DNM1: variants seen among roughly 807,000 people sequenced by gnomAD.
DNM1 encodes dynamin 1.
A neutral mutation model predicts 104.6 loss-of-function variants in DNM1; 29 were observed. The observed-to-expected ratio is 0.28, with a 90% CI of 0.21 to 0.38. The LOEUF is 0.38. DNM1 is among the 10% of genes least tolerant of loss of function. DNM1 has a pLI of 1.00. For missense variants in DNM1, 640 were observed against 1,189.4 expected (o/e 0.54, Z 6.79); for synonymous variants, 445 against 475.8 (o/e 0.94, Z 0.84).
chr9:128,220,492 C>G lies in DNM1; in HGVS notation c.849+151C>G. The G allele has an allele frequency of 1.0e-6, 1 of 998,040 alleles. No homozygotes were observed. The highest frequency in any genetic ancestry group is 2.4e-5 in the Admixed American group (1 of 41,190). 61.8% of individuals were successfully genotyped at this position (998,040 alleles called of 1,614,324 possible). A position where few individuals can be genotyped will look rare whatever the true frequency, so the allele number is the denominator to read the frequency against. Reference sequence around the variant, plus strand: ...GAAAAGCAAAGCAACTTGCCCACAGCCCCACAGCTAGGTAGCAGCAAAGCT... The same window carrying G: ...GAAAAGCAAAGCAACTTGCCCACAGGCCCACAGCTAGGTAGCAGCAAAGCT... On this transcript the variant is annotated intron_variant, in intron 6 of 21. Coordinates refer to ENST00000372923, the MANE Select transcript of DNM1 (RefSeq NM_004408.4). The surrounding 1 kb of genome is among the most constrained non-coding windows in gnomAD (Gnocchi z 5.2).
At chr9:128,233,015 C>T (rs1189748361) in intron 10 of DNM1, among the ~76,000 whole-genome samples, 5 of 152,214 alleles carry the variant, frequency 3.3e-5, no homozygotes, top group Non-Finnish European at 7.3e-5. Flanking sequence ...ACTCAGCTCT[C>T]AAGCAGTCGG....
At chr9:128,216,321 C>T (rs911519149) in intron 1 of DNM1, among the ~76,000 whole-genome samples, 2 of 152,150 alleles carry the variant, frequency 1.3e-5, no homozygotes, top group Non-Finnish European at 2.9e-5. Flanking sequence ...GCTTTGAATC[C>T]CCACTCTGCT....
At chr9:128,251,224 A>G (rs1829498565) in intron 21 of DNM1, 4 of 621,524 alleles carry the variant, frequency 6.4e-6, no homozygotes, top group South Asian at 4.6e-5. Context: ...GCTTCCCTCT[A>G]TTTTCACTCT....
chr9:128,207,464 C>T (rs1177262490), intron 1 of DNM1, among the ~76,000 whole-genome samples: 2 of 152,100 alleles, frequency 1.3e-5, no homozygotes, highest in Non-Finnish European at 2.9e-5. Flanking sequence ...CGCTGTCCCT[C>T]CAGCTCCTCT....
At position 128,215,375 on chromosome 9, in the gene DNM1, G is replaced by T. The variant is rs139523128; in HGVS notation, c.162-2856G>T. 5.6e-3 allele frequency among the ~76,000 whole-genome samples: 855 copies of T among 152,366 alleles called. 9 individuals are homozygous for T. The highest frequency in any genetic ancestry group is 0.02 in the African/African-American group (817 of 41,574). The stretch of plus-strand genomic sequence containing the variant: ...GATTCTAGCCCAGCATGCCTGAGGA[G>T]CATGCGTCTGGACAAACTACCCAAG... On this transcript the variant is annotated intron_variant, in intron 1 of 21. Transcript: ENST00000372923.
At position 128,253,672 on chromosome 9, in the gene DNM1, G is replaced by A. The variant is rs754014262; in HGVS notation, c.2535-982G>A. 3 of 233,270 alleles carry A rather than the reference G, an allele frequency of 1.3e-5. No homozygotes were observed. The highest frequency in any genetic ancestry group is 2.3e-5 in the African/African-American group (1 of 44,104). The allele number at this position is 233,270 out of a possible 1,614,324, so 14.5% of individuals were successfully genotyped here. A position where few individuals can be genotyped will look rare whatever the true frequency, so the allele number is the denominator to read the frequency against. Reference sequence around the variant, plus strand: ...CAGGGTCCCACCTCCTCTATCTGCCGGCAATCCAGTGGTGACCTAGGGTAA... The same window carrying A: ...CAGGGTCCCACCTCCTCTATCTGCCAGCAATCCAGTGGTGACCTAGGGTAA... On this transcript the variant is annotated intron_variant, in intron 21 of 21. Transcript: ENST00000372923. The surrounding 1 kb of genome is among the most constrained non-coding windows in gnomAD (Gnocchi z 5.9).
rs1184149576 is a variant in DNM1, at chr9:128,250,279, G to C, written c.2241G>C (p.Thr747=). The part of the protein sequence containing the change: ...EALSIIGDIN[T]TTVSTPMPPP... ...TCAGCATCATCGGCGACATCAACAC[G>C]ACCACCGTCAGCACGCCCATGCCCC... Residue 747 remains threonine, a synonymous_variant, in exon 20 of 22, where the codon ACG becomes ACC. Transcript: ENST00000372923. 1 of 1,613,206 alleles carries C rather than the reference G, an allele frequency of 6.2e-7. No homozygotes were observed. Among genetic ancestry groups the C allele is most frequent in the Admixed American group, 1.7e-5 (1 of 59,858 alleles).
In DNM1 at chr9:128,243,515, G is replaced by T. The variant is rs554793040; in HGVS notation, c.1671+1170G>T. ...TCCACCTTGGGAGGGGCCCTCTGTCGTCACTGGCGGGGGCGCCAAGCCATC... is the reference window on the plus strand; with the variant it reads ...TCCACCTTGGGAGGGGCCCTCTGTCTTCACTGGCGGGGGCGCCAAGCCATC... On this transcript the variant is annotated intron_variant, in intron 15 of 21. Transcript: ENST00000372923. This position sits in a 1 kb window ranked among gnomAD's most constrained non-coding sequence, Gnocchi z 4.0. 6.6e-6 allele frequency among the ~76,000 whole-genome samples: 1 copy of T among 152,326 alleles called. No homozygotes were observed. The highest frequency in any genetic ancestry group is 2.1e-4 in the South Asian group (1 of 4,830).
chr9:128,212,469 G>A (rs764733678), intron 1 of DNM1, among the ~76,000 whole-genome samples: 3 of 152,030 alleles, frequency 2.0e-5, no homozygotes, highest in African/African-American at 7.3e-5. Flanking sequence ...GGCAAGACCC[G>A]GCTGGAAGGA....
chr9:128,254,076 T>C lies in DNM1; in HGVS notation c.2535-578T>C. The stretch of plus-strand genomic sequence containing the variant: ...AGCTGAGGCTCCCCTCTTAGACTTA[T>C]AAGTCTATGGCCACTGGCATCCGGC... On this transcript the variant is annotated intron_variant, in intron 21 of 21. Coordinates refer to ENST00000372923, the MANE Select transcript of DNM1 (RefSeq NM_004408.4). The surrounding 1 kb of genome is among the most constrained non-coding windows in gnomAD (Gnocchi z 6.1). 3 of 1,249,406 alleles carry C rather than the reference T, an allele frequency of 2.4e-6. No individual in the cohort carries two copies. The highest frequency in any genetic ancestry group is 3.1e-5 in the East Asian group (1 of 31,780). The allele number at this position is 1,249,406 out of a possible 1,614,324, so 77.4% of individuals were successfully genotyped here.
At chr9:128,251,330 C>G (rs1210255795) in intron 21 of DNM1, 2 of 379,742 alleles carry the variant, frequency 5.3e-6, no homozygotes, top group African/African-American at 2.1e-5. Context: ...CCCTGGGGAG[C>G]CTACCTTAGG....
In DNM1 at chr9:128,247,709, T is replaced by C. The variant is rs1836912802; in HGVS notation, c.1894-215T>C. Among the ~76,000 whole-genome samples, 1 of 152,216 alleles carries C rather than the reference T, an allele frequency of 6.6e-6. No individual in the cohort carries two copies. The highest frequency in any genetic ancestry group is 6.5e-5 in the Admixed American group (1 of 15,288). ...TTTGTGTCTCTGTCTCTGTTGCAGA[T>C]GGCATTTCCTCCATCCCCTTTCTAT... On this transcript the variant is annotated intron_variant, in intron 17 of 21. Transcript: ENST00000372923. The surrounding 1 kb of genome is among the most constrained non-coding windows in gnomAD (Gnocchi z 5.1).
intron 11 of DNM1, among the ~76,000 whole-genome samples, chr9:128,236,238 G>A (rs777884828): frequency 3.3e-5 from 5 of 152,088 alleles, no homozygotes; most frequent in Non-Finnish European, 7.4e-5. Context: ...AGGGCCCATC[G>A]TGGCCCTCAC....
chr9:128,235,169 T>C (rs1244190729), intron 11 of DNM1, among the ~76,000 whole-genome samples: 1 of 152,142 alleles, frequency 6.6e-6, no homozygotes, highest in Non-Finnish European at 1.5e-5. Flanking sequence ...GCATAATGTC[T>C]TCCAGGACCA....
At chr9:128,225,935 T>C in intron 10 of DNM1, 1 of 1,078,614 alleles carries the variant, frequency 9.3e-7, no homozygotes, top group Non-Finnish European at 1.4e-6. Flanking sequence ...CGTGCCATCC[T>C]CTCCACCCCT....
At chr9:128,216,307 C>T (rs569787363) in intron 1 of DNM1, among the ~76,000 whole-genome samples, 3 of 152,330 alleles carry the variant, frequency 2.0e-5, no homozygotes, top group Non-Finnish European at 1.5e-5. Context: ...CCAACAGACA[C>T]TCAGCTTTGA....
In DNM1 at chr9:128,250,237, C is replaced by G. The variant is rs895613880; in HGVS notation, c.2199C>G (p.His733Gln). The G allele has an allele frequency of 6.2e-7, 1 of 1,614,110 alleles. No homozygotes were observed. The highest frequency in any genetic ancestry group is 8.5e-7 in the Non-Finnish European group (1 of 1,180,012). ...GCGACGAGATGCTGCGCATGTACCA[C>G]GCACTGAAGGAGGCGCTCAGCATCA... ...QRRDEMLRMY[H>Q]ALKEALSIIG... Residue 733 changes from histidine (H) to glutamine (Q), a missense_variant, in exon 20 of 22, where the codon CAC becomes CAG. By Grantham distance (24) the His-to-Gln change is conservative. Transcript: ENST00000372923.
Position 128,239,499 on chromosome 9 carries a change from T to C in DNM1, c.1477T>C (p.Phe493Leu). 1.2e-6 allele frequency: 2 copies of C among 1,613,752 alleles called. No individual in the cohort carries two copies. Among genetic ancestry groups the C allele is most frequent in the Non-Finnish European group, 1.7e-6 (2 of 1,179,872 alleles). ...LAYMNTNHED[F>L]IGFANAQQRS... is the part of the protein sequence containing the mutation. ...TTACATGAACACCAACCATGAGGAC[T>C]TCATAGGCTTTGCCAAGTGAGTGCT... is the stretch of plus-strand genomic sequence containing the variant. Residue 493 changes from phenylalanine (F) to leucine (L), a missense_variant, in exon 12 of 22, where the codon TTC becomes CTC. This residue lies in a region of DNM1 where 92 missense variants were observed against 124.4 expected (regional missense o/e 0.74). Transcript: ENST00000372923.
intron 4 of DNM1, 115 bp downstream of exon 4, chr9:128,219,367 C>T (rs1166078948): frequency 2.1e-6 from 2 of 963,990 alleles, no homozygotes; most frequent in East Asian, 5.1e-5. Flanking sequence ...CAGATTTGTA[C>T]CTTTAAAAAT....
Sources: allele counts gnomAD v4.1 joint callset (sites outside exome capture counted in the v4.1 genomes callset), GRCh38; gene constraint gnomAD v4.1.1; regional missense constraint gnomAD v4.1.1; non-coding constraint Gnocchi (gnomAD v3.1); transcripts MANE v1.5; gene names NCBI Gene and HGNC (gene_info 2026-07-23, HGNC 2026-07-21).